The following MAF variants were observed in gnomAD, a reference collection of about 807,000 sequenced individuals.
The protein encoded by MAF is transcription factor Maf.
MAF carries 10 observed loss-of-function variants against 22.0 expected under a neutral mutation model. The ratio of observed to expected loss-of-function variants is 0.45; its 90% CI spans 0.28 to 0.77. MAF has a LOEUF of 0.77. Ranked by LOEUF, MAF falls within the 30% of genes least tolerant of loss-of-function variation. The probability of loss-of-function intolerance (pLI) is 0.12; values close to 1 mark genes in which losing one functional copy is unlikely to be tolerated. For missense variants in MAF, 544 were observed against 548.4 expected (o/e 0.99, Z 0.08); for synonymous variants, 337 against 255.8 (o/e 1.32, Z -3.03).
chr16:79,439,760 AAGT>A, the MAF span, among the ~76,000 whole-genome samples: 1 of 152,228 alleles, frequency 6.6e-6, no homozygotes, highest in East Asian at 1.9e-4. Flanking sequence ...CCAACAGAGG[AAGT>A]GCTGGAAGCA....
chr16:79,374,849 C>T, the MAF span, among the ~76,000 whole-genome samples: 1 of 152,106 alleles, frequency 6.6e-6, no homozygotes, highest in African/African-American at 2.4e-5. Context: ...CCGTAACAGA[C>T]CAGATAGACA....
the MAF span, among the ~76,000 whole-genome samples, chr16:79,375,127 G>A: frequency 6.6e-6 from 1 of 152,162 alleles, no homozygotes; most frequent in African/African-American, 2.4e-5. Context: ...GACTACACAA[G>A]GTAAAGGAAT....
chr16:79,208,381 C>A, the MAF span, among the ~76,000 whole-genome samples: 19 of 149,162 alleles, frequency 1.3e-4, no homozygotes, highest in East Asian at 4.0e-4. Context: ...GATTGATTCT[C>A]AAAAAAAAAA....
the MAF span, among the ~76,000 whole-genome samples, chr16:79,284,470 C>T: frequency 6.6e-6 from 1 of 152,154 alleles, no homozygotes; most frequent in Admixed American, 6.5e-5. Flanking sequence ...TTACCCAAAA[C>T]CTTTACATCT....
the MAF span, among the ~76,000 whole-genome samples, chr16:79,281,224 GA>G: frequency 1.5e-4 from 21 of 143,028 alleles, 1 homozygote; most frequent in African/African-American, 2.9e-4. Flanking sequence ...GTTTCAATAT[GA>G]AAAAAAAAAA....
the MAF span, among the ~76,000 whole-genome samples, chr16:79,510,745 T>G: frequency 6.6e-6 from 1 of 152,196 alleles, no homozygotes; most frequent in Non-Finnish European, 1.5e-5. Context: ...GACATTTTAA[T>G]AATTTTTGAA....
chr16:79,479,170 T>A, the MAF span, among the ~76,000 whole-genome samples: 38 of 152,280 alleles, frequency 2.5e-4, no homozygotes, highest in African/African-American at 7.2e-4. Context: ...TATCCCATCT[T>A]AATGTGCTCG....
the MAF span, among the ~76,000 whole-genome samples, chr16:79,342,630 C>T: frequency 1.6e-3 from 234 of 142,748 alleles, no homozygotes; most frequent in Non-Finnish European, 3.0e-3. Context: ...ATCACCACCA[C>T]TGTCACCATT....
chr16:79,408,029 G>A, the MAF span, among the ~76,000 whole-genome samples: 2 of 135,372 alleles, frequency 1.5e-5, no homozygotes, highest in African/African-American at 2.9e-5. Flanking sequence ...AGAGGCGGGC[G>A]CCATAAGAGA....
chr16:79,403,759 A>G, the MAF span, among the ~76,000 whole-genome samples: 2 of 152,216 alleles, frequency 1.3e-5, no homozygotes, highest in African/African-American at 4.8e-5. Flanking sequence ...CATACGATCT[A>G]TATTTCTGAA....
chr16:79,277,218 G>T, the MAF span, among the ~76,000 whole-genome samples: 1 of 152,088 alleles, frequency 6.6e-6, no homozygotes. Flanking sequence ...GCAGTTCGGT[G>T]TAACCTCATC....
At chr16:79,541,583 C>T in the MAF span, among the ~76,000 whole-genome samples, 1 of 151,792 alleles carries the variant, frequency 6.6e-6, no homozygotes, top group Non-Finnish European at 1.5e-5. Context: ...GTTCATACAG[C>T]TGGTGAAAGA....
the MAF span, among the ~76,000 whole-genome samples, chr16:79,503,081 C>G: frequency 6.6e-6 from 1 of 151,986 alleles, no homozygotes; most frequent in Non-Finnish European, 1.5e-5. Context: ...GGTTCAAATT[C>G]AAGATATTAA....
the MAF span, among the ~76,000 whole-genome samples, chr16:79,280,356 G>A: frequency 6.6e-6 from 1 of 152,140 alleles, no homozygotes; most frequent in African/African-American, 2.4e-5. Flanking sequence ...TTTTGAAAAG[G>A]GCAAATCCAA....
At chr16:79,473,198 A>C in the MAF span, among the ~76,000 whole-genome samples, 2 of 152,160 alleles carry the variant, frequency 1.3e-5, no homozygotes. Context: ...ACAGGCAGTC[A>C]TATCCTCTGT....
the MAF span, among the ~76,000 whole-genome samples, chr16:79,298,161 C>A: frequency 8.5e-5 from 13 of 152,342 alleles, no homozygotes; most frequent in South Asian, 2.5e-3. Flanking sequence ...GCTTGAGAAG[C>A]CCTGTGTTTG....
At chr16:79,273,674 A>C in the MAF span, among the ~76,000 whole-genome samples, 1 of 122,504 alleles carries the variant, frequency 8.2e-6, no homozygotes, top group Admixed American at 9.3e-5. Context: ...ATCCTGTTTC[A>C]CTCTGACCTC....
chr16:79,494,721 G>T, the MAF span, among the ~76,000 whole-genome samples: 1 of 152,100 alleles, frequency 6.6e-6, no homozygotes. Context: ...CTGACTGAGT[G>T]TCCCGGTAAC....
At chr16:79,460,178 T>C in the MAF span, among the ~76,000 whole-genome samples, 2 of 152,240 alleles carry the variant, frequency 1.3e-5, no homozygotes, top group Non-Finnish European at 2.9e-5. Flanking sequence ...GAATTTTGTT[T>C]ATATGCCTTT....
Sources: allele counts gnomAD v4.1 joint callset (sites outside exome capture counted in the v4.1 genomes callset), GRCh38; gene constraint gnomAD v4.1.1; transcripts MANE v1.5; gene names NCBI Gene and HGNC (gene_info 2026-07-23, HGNC 2026-07-21).